Variants in LEPR observed in about 807,000 individuals in gnomAD.
LEPR encodes leptin receptor, also known as OB receptor.
Under a neutral mutation model 114.7 loss-of-function variants are expected in LEPR, and 56 were observed. The observed-to-expected ratio is 0.49, with a 90% confidence interval of 0.39 to 0.61. The LOEUF is 0.61. LEPR is among the 20% of genes least tolerant of loss of function. LEPR has a pLI of 0.00. For missense variants in LEPR, 1,202 were observed against 1,352.9 expected (o/e 0.89, Z 1.75); for synonymous variants, 443 against 461.4 (o/e 0.96, Z 0.51).
At chr1:65,613,774 A>AAAAAG (rs1657350036) in intron 14 of LEPR, among the ~76,000 whole-genome samples, 7 of 150,608 alleles carry the variant, frequency 4.6e-5, no homozygotes, top group Non-Finnish European at 7.4e-5. Context: ...AAAAAAAAAA[A>AAAAAG]AAAAAAAACC....
At chr1:65,634,691 G>C in intron 19 of LEPR, 1 of 971,396 alleles carries the variant, frequency 1.0e-6, no homozygotes, top group Non-Finnish European at 1.2e-6. Flanking sequence ...TCTTGACTAT[G>C]GTTATGGTTT....
chr1:65,511,614 A>T (rs1029035068), intron 2 of LEPR, among the ~76,000 whole-genome samples: 1 of 152,168 alleles, frequency 6.6e-6, no homozygotes, highest in Non-Finnish European at 1.5e-5. Context: ...TAGAAGTAAG[A>T]TCTTATTCCT....
At chr1:65,538,038 G>A (rs555609305) in intron 2 of LEPR, among the ~76,000 whole-genome samples, 1 of 152,156 alleles carries the variant, frequency 6.6e-6, no homozygotes, top group South Asian at 2.1e-4. Context: ...TTTACATTGT[G>A]AATTTCTGTG....
intron 2 of LEPR, among the ~76,000 whole-genome samples, chr1:65,464,231 T>G (rs546725777): frequency 6.6e-6 from 1 of 152,326 alleles, no homozygotes; most frequent in East Asian, 1.9e-4. Flanking sequence ...GTTTTTAGCA[T>G]GAAGGGCGGT....
intron 2 of LEPR, among the ~76,000 whole-genome samples, chr1:65,496,816 T>G (rs1648184320): frequency 6.6e-6 from 1 of 152,074 alleles, no homozygotes; most frequent in South Asian, 2.1e-4. Context: ...CAGTGTGACT[T>G]GAGATGTAGT....
intron 2 of LEPR, among the ~76,000 whole-genome samples, chr1:65,459,866 C>T (rs151241021): frequency 6.6e-6 from 1 of 151,888 alleles, no homozygotes; most frequent in Non-Finnish European, 1.5e-5. Flanking sequence ...ACCTCAGAAC[C>T]TTTGCCCTTG....
chr1:65,456,112 AG>A (rs1646870934), intron 2 of LEPR, among the ~76,000 whole-genome samples: 1 of 152,110 alleles, frequency 6.6e-6, no homozygotes, highest in South Asian at 2.1e-4. Context: ...GCGCTTCCCG[AG>A]TGAGGCAATG....
chr1:65,449,769 C>A (rs1557597147), intron 2 of LEPR, among the ~76,000 whole-genome samples: 1 of 146,872 alleles, frequency 6.8e-6, no homozygotes, highest in Non-Finnish European at 1.5e-5. Flanking sequence ...TTTCTGCTTT[C>A]ATTTTTATTA....
chr1:65,438,767 G>A (rs1320138696), intron 2 of LEPR, among the ~76,000 whole-genome samples: 1 of 151,888 alleles, frequency 6.6e-6, no homozygotes, highest in Non-Finnish European at 1.5e-5. Context: ...CATGCAGGTT[G>A]GAAACTGCTG....
At chr1:65,580,746 G>T (rs376914425) in intron 5 of LEPR, among the ~76,000 whole-genome samples, 1 of 152,202 alleles carries the variant, frequency 6.6e-6, no homozygotes, top group Non-Finnish European at 1.5e-5. Context: ...GCAAAGTTTG[G>T]AAAGGCTGTG....
chr1:65,551,146 A>G (rs537732645), intron 2 of LEPR, among the ~76,000 whole-genome samples: 1 of 152,154 alleles, frequency 6.6e-6, no homozygotes, highest in South Asian at 2.1e-4. Flanking sequence ...CTTTGCACCA[A>G]TGTTCATCAG....
At chr1:65,491,079 A>T (rs1185384254) in intron 2 of LEPR, among the ~76,000 whole-genome samples, 1 of 151,822 alleles carries the variant, frequency 6.6e-6, no homozygotes, top group Non-Finnish European at 1.5e-5. Flanking sequence ...CAAGACTCCA[A>T]CTCCAAAATA....
At chr1:65,460,980 CT>C (rs529223465) in intron 2 of LEPR, among the ~76,000 whole-genome samples, 328 of 138,564 alleles carry the variant, frequency 2.4e-3, no homozygotes, top group Non-Finnish European at 2.8e-3. Flanking sequence ...TCTTTCTTTT[CT>C]TTTTTTTTTT....
At chr1:65,632,526 A>G (rs1658566024) in intron 19 of LEPR, among the ~76,000 whole-genome samples, 1 of 152,096 alleles carries the variant, frequency 6.6e-6, no homozygotes, top group South Asian at 2.1e-4. Context: ...GTTGTGTTAT[A>G]GAAAGATTGT....
intron 2 of LEPR, among the ~76,000 whole-genome samples, chr1:65,462,752 A>G (rs2100380775): frequency 6.6e-6 from 1 of 152,352 alleles, no homozygotes; most frequent in East Asian, 1.9e-4. Flanking sequence ...ATGACCAGTG[A>G]TGATGAGCAT....
intron 5 of LEPR, among the ~76,000 whole-genome samples, chr1:65,590,492 C>T (rs755932173): frequency 3.5e-4 from 53 of 151,396 alleles, no homozygotes; most frequent in Non-Finnish European, 5.0e-4. Flanking sequence ...ACTATTATGG[C>T]GGTTACCTCC....
chr1:65,596,349 G>A, intron 6 of LEPR, 99 bp from the exon 7 acceptor site: 1 of 1,462,628 alleles, frequency 6.8e-7, no homozygotes, highest in South Asian at 1.2e-5. Context: ...GTACTTGAAA[G>A]GCAAGATATG....
chr1:65,598,889 G>T, intron 8 of LEPR, 85 bp downstream of exon 8: 5 of 1,585,206 alleles, frequency 3.2e-6, no homozygotes, highest in Non-Finnish European at 4.3e-6. Context: ...CTTACATTTT[G>T]AGGCCTTAAA....
At chr1:65,465,203 C>A (rs748303220) in intron 2 of LEPR, among the ~76,000 whole-genome samples, 1 of 152,074 alleles carries the variant, frequency 6.6e-6, no homozygotes, top group Non-Finnish European at 1.5e-5. Context: ...TAAAAGTGTC[C>A]CAGAGATTCT....
Sources: allele counts gnomAD v4.1 joint callset (sites outside exome capture counted in the v4.1 genomes callset), GRCh38; gene constraint gnomAD v4.1.1; transcripts MANE v1.5; gene names NCBI Gene and HGNC (gene_info 2026-07-23, HGNC 2026-07-21).